RAB30: variants seen among roughly 807,000 people sequenced by gnomAD.
RAB30 encodes the protein RAB30, member RAS oncogene family.
RAB30 carries 9 observed loss-of-function variants against 25.1 expected under a neutral mutation model. The ratio of observed to expected loss-of-function variants is 0.36; its 90% confidence interval spans 0.22 to 0.63. The LOEUF (loss-of-function observed/expected upper bound fraction) is 0.63. Ranked by LOEUF, RAB30 falls within the 20% of genes least tolerant of loss-of-function variation. The pLI is 0.69. For synonymous variants in RAB30, 77 were observed against 86.4 expected (o/e 0.89, Z 0.60); for missense variants, 140 against 243.5 (o/e 0.58, Z 2.83).
At chr11:83,005,971 A>G (rs941897954) in intron 1 of RAB30, among the ~76,000 whole-genome samples, 7 of 152,036 alleles carry the variant, frequency 4.6e-5, no homozygotes, top group Admixed American at 2.0e-4. Flanking sequence ...AAACTGATCA[A>G]TCTTACAAAA....
chr11:83,035,075 A>G (rs1478451297), intron 1 of RAB30, among the ~76,000 whole-genome samples: 1 of 151,434 alleles, frequency 6.6e-6, no homozygotes, highest in Admixed American at 6.6e-5. Flanking sequence ...CCTCACAGCA[A>G]CTAGATAAGA....
At chr11:83,064,344 G>C (rs565316782) in intron 1 of RAB30, among the ~76,000 whole-genome samples, 1 of 152,302 alleles carries the variant, frequency 6.6e-6, no homozygotes, top group Admixed American at 6.5e-5. Context: ...CTGGACTCAA[G>C]CAATTCACCT....
intron 1 of RAB30, among the ~76,000 whole-genome samples, chr11:83,004,146 T>G (rs1017389991): frequency 3.3e-5 from 5 of 152,226 alleles, no homozygotes; most frequent in Non-Finnish European, 7.3e-5. Flanking sequence ...GCCTTGCTAC[T>G]AGGGCTCCAT....
At chr11:83,062,114 C>T (rs191194654) in intron 1 of RAB30, among the ~76,000 whole-genome samples, 4 of 152,186 alleles carry the variant, frequency 2.6e-5, no homozygotes, top group Admixed American at 2.0e-4. Context: ...GAAGCAGCTA[C>T]AGAAACAGTA....
In RAB30 at chr11:82,980,688, T is replaced by A. The variant is rs1856621744; in HGVS notation, c.*1477A>T. ...GTGAACAAATTGGAAGCTATCAAAGTATGGCACTGAAGAAAAAGAAACACA... is the reference window on the plus strand; with the variant it reads ...GTGAACAAATTGGAAGCTATCAAAGAATGGCACTGAAGAAAAAGAAACACA... On this transcript the variant is annotated 3_prime_UTR_variant, in exon 5 of 5. Coordinates refer to ENST00000527633, the MANE Select transcript of RAB30 (RefSeq NM_001286060.2). 1 of 152,218 alleles carries A rather than the reference T, an allele frequency of 6.6e-6. No homozygotes were observed. The highest frequency in any genetic ancestry group is 1.5e-5 in the Non-Finnish European group (1 of 68,046). The allele number at this position is 152,218 out of a possible 1,614,324, so 9.4% of individuals were successfully genotyped here. A position where few individuals can be genotyped will look rare whatever the true frequency, so the allele number is the denominator to read the frequency against.
At chr11:83,034,543 CA>C (rs1245797527) in intron 1 of RAB30, 1 of 152,116 alleles carries the variant, frequency 6.6e-6, no homozygotes, top group African/African-American at 2.4e-5. Flanking sequence ...GTGGCAGCAG[CA>C]GATTTGAGCC....
At position 83,059,287 on chromosome 11, in the gene RAB30, C is replaced by T. The variant is rs577150019; in HGVS notation, c.-9+12404G>A. ...GCAAAATCGAATATATTTTCTTATC[C>T]TCAATTTAGTTCACAAATATATACT... On this transcript the variant is annotated intron_variant, in intron 1 of 4. Transcript: ENST00000527633. Among the ~76,000 whole-genome samples the T allele has an allele frequency of 1.3e-5, 2 of 152,306 alleles. 1 individual carries two copies. Among genetic ancestry groups the T allele is most frequent in the South Asian group, 4.1e-4 (2 of 4,828 alleles).
chr11:83,011,001 T>A (rs1857290259), intron 1 of RAB30, among the ~76,000 whole-genome samples: 1 of 152,250 alleles, frequency 6.6e-6, no homozygotes, highest in Non-Finnish European at 1.5e-5. Context: ...TTGTCAGGAC[T>A]GCAGCTATGA....
chr11:82,998,541 C>A, intron 1 of RAB30, among the ~76,000 whole-genome samples: 1 of 131,892 alleles, frequency 7.6e-6, no homozygotes. Context: ...GAGTGAGACT[C>A]TGTCTAAAAA....
At chr11:83,014,634 A>AAAGAAAG (rs1170716552) in intron 1 of RAB30, among the ~76,000 whole-genome samples, 2 of 112,616 alleles carry the variant, frequency 1.8e-5, no homozygotes, top group African/African-American at 6.9e-5. Context: ...AGAAGTAAGA[A>AAAGAAAG]AAAGAAAGAA....
chr11:83,064,079 G>A (rs1858640359), intron 1 of RAB30, among the ~76,000 whole-genome samples: 1 of 151,978 alleles, frequency 6.6e-6, no homozygotes, highest in Non-Finnish European at 1.5e-5. Context: ...TACAGTCCAT[G>A]TGTTTTTCTG....
chr11:82,974,374 G>A lies in RAB30; in HGVS notation c.*7791C>T, dbSNP rs371334055. The A allele has an allele frequency of 1.1e-4, 16 of 152,050 alleles. No individual in the cohort carries two copies. Among genetic ancestry groups the A allele is most frequent in the African/African-American group, 3.6e-4 (15 of 41,464 alleles). The allele number at this position is 152,050 out of a possible 1,614,324, so 9.4% of individuals were successfully genotyped here. A position where few individuals can be genotyped will look rare whatever the true frequency, so the allele number is the denominator to read the frequency against. The stretch of plus-strand genomic sequence containing the variant: ...TTTTTCATACAATCACCTTTCTACA[G>A]AAGGTTTTCAGCTAATTGGACTCGG... On this transcript the variant is annotated 3_prime_UTR_variant, in exon 5 of 5. Transcript: ENST00000527633.
At chr11:83,064,715 A>T (rs1858656355) in intron 1 of RAB30, among the ~76,000 whole-genome samples, 1 of 152,210 alleles carries the variant, frequency 6.6e-6, no homozygotes, top group Non-Finnish European at 1.5e-5. Flanking sequence ...TTGCTATGAC[A>T]TTCCTGAAGA....
intron 3 of RAB30, chr11:82,992,181 A>G (rs1395755970): frequency 2.6e-6 from 1 of 379,382 alleles, no homozygotes; most frequent in African/African-American, 2.1e-5. Flanking sequence ...AGAAAGCTAC[A>G]AAAGGCTCCT....
intron 1 of RAB30, among the ~76,000 whole-genome samples, chr11:83,047,214 CT>C (rs34931723): frequency 0.57 from 86,998 of 151,996 alleles, 25,581 homozygotes; most frequent in African/African-American, 0.72. Flanking sequence ...ACAATCTACT[CT>C]TATTGGCCTT....
chr11:83,014,678 GAAAGAAAGAAAGAAA>G (rs1565277179), intron 1 of RAB30, among the ~76,000 whole-genome samples: 75 of 142,010 alleles, frequency 5.3e-4, no homozygotes, highest in African/African-American at 2.0e-3. Flanking sequence ...AAGAAAGAAA[GAAAGAAAGAAAGAAA>G]GAGAAAGGAA....
chr11:82,995,027 T>C (rs1856931081), intron 2 of RAB30, among the ~76,000 whole-genome samples: 3 of 152,244 alleles, frequency 2.0e-5, no homozygotes, highest in South Asian at 4.1e-4. Flanking sequence ...GGTACAAGTA[T>C]AATTTATGCA....
intron 1 of RAB30, among the ~76,000 whole-genome samples, chr11:83,027,541 C>G (rs992083578): frequency 2.0e-5 from 3 of 152,068 alleles, no homozygotes; most frequent in African/African-American, 7.2e-5. Context: ...ATCACCGTAC[C>G]GTGAGGCTCA....
chr11:83,015,536 T>C (rs902834260), intron 1 of RAB30, among the ~76,000 whole-genome samples: 2 of 152,206 alleles, frequency 1.3e-5, no homozygotes, highest in African/African-American at 4.8e-5. Flanking sequence ...ATGTAAGGAC[T>C]CTCAGACATC....
Sources: allele counts gnomAD v4.1 joint callset (sites outside exome capture counted in the v4.1 genomes callset), GRCh38; gene constraint gnomAD v4.1.1; transcripts MANE v1.5; gene names NCBI Gene and HGNC (gene_info 2026-07-23, HGNC 2026-07-21).